The following TMEM204 variants were observed in gnomAD, a reference collection of about 807,000 sequenced individuals.
TMEM204 encodes the protein transmembrane protein 204.
TMEM204 carries 15 observed loss-of-function variants against 19.4 expected under a neutral mutation model. The ratio of observed to expected loss-of-function variants is 0.77; its 90% CI spans 0.52 to 1.19. The LOEUF (loss-of-function observed/expected upper bound fraction) is 1.19. Among genes scored for constraint, TMEM204 ranks in the 50% most tolerant of loss-of-function variants. The pLI is 0.00. For synonymous variants in TMEM204, 161 were observed against 146.0 expected, an observed-to-expected ratio of 1.10 and a Z score of -0.74; for missense variants, 287 against 321.2, an observed-to-expected ratio of 0.89 and a Z score of 0.81.
At chr16:1,544,518 CG>C (rs1318447519) in intron 2 of TMEM204, among the ~76,000 whole-genome samples, 3 of 151,870 alleles carry the variant, frequency 2.0e-5, no homozygotes, top group East Asian at 1.9e-4. Context: ...TTAGTAGAGA[CG>C]GGGTTTCACC....
intron 1 of TMEM204, among the ~76,000 whole-genome samples, chr16:1,537,081 C>T (rs896009556): frequency 2.0e-5 from 3 of 152,244 alleles, no homozygotes; most frequent in Non-Finnish European, 4.4e-5. Flanking sequence ...CTTGTAAAAT[C>T]ACCCAGCACG....
chr16:1,543,644 C>T (rs2064289), intron 2 of TMEM204, among the ~76,000 whole-genome samples: 95,599 of 152,122 alleles, frequency 0.63, 32,664 homozygotes, highest in African/African-American at 0.9. Flanking sequence ...ACCCAACTGA[C>T]TGTAAGAACG....
chr16:1,536,563 G>A (rs4786279), intron 1 of TMEM204, among the ~76,000 whole-genome samples: 7 of 152,286 alleles, frequency 4.6e-5, no homozygotes, highest in East Asian at 3.9e-4. Context: ...CCTTGTAAAC[G>A]GGACTCAGCT....
In TMEM204 at chr16:1,553,302, GTGTCTC is replaced by G. The variant is rs989277047; in HGVS notation, c.437-1470_437-1465del. 9.2e-6 allele frequency: 9 copies of G among 983,444 alleles called. No individual in the cohort carries two copies. The African/African-American group carries it at 1.6e-4, about 17-fold the overall frequency. 60.9% of individuals were successfully genotyped at this position (983,444 alleles called of 1,614,324 possible). A position where few individuals can be genotyped will look rare whatever the true frequency, so the allele number is the denominator to read the frequency against. The stretch of plus-strand genomic sequence containing the variant: ...TCTCTGTGTCTCTGCCTGTCTCTCT[GTGTCTC>G]TGTCTCTGTGTCTCTGTCCCTGTGT... On this transcript the variant is annotated intron_variant, in intron 2 of 2. Transcript: ENST00000566264. This position sits in a 1 kb window ranked among gnomAD's most constrained non-coding sequence, Gnocchi z 4.4.
intron 1 of TMEM204, among the ~76,000 whole-genome samples, chr16:1,537,099 G>C (rs1055142966): frequency 1.3e-5 from 2 of 152,228 alleles, no homozygotes; most frequent in African/African-American, 4.8e-5. Flanking sequence ...ACGTATGATG[G>C]GCTGCGACCG....
In TMEM204 at chr16:1,555,009, G is replaced by C. The variant is rs776603275; in HGVS notation, c.664G>C (p.Val222Leu). Residue 222 changes from valine to leucine, a missense_variant, in exon 3 of 3, where the codon GTG (valine) becomes CTG (leucine). Coordinates refer to ENST00000566264, the MANE Select transcript of TMEM204 (RefSeq NM_024600.6). ...RFRRGLDNDY[V>L]ESPC is the part of the protein sequence containing the mutation. The stretch of plus-strand genomic sequence containing the variant: ...TCGCCGTGGGCTGGACAATGACTAC[G>C]TGGAGTCACCATGCTGAGTCGCCCT... 4 of 1,611,572 alleles carry C rather than the reference G, an allele frequency of 2.5e-6. No homozygotes were observed. Among genetic ancestry groups the C allele is most frequent in the East Asian group, 4.5e-5 (2 of 44,860 alleles).
intron 1 of TMEM204, chr16:1,541,453 G>T: frequency 1.0e-6 from 1 of 985,424 alleles, no homozygotes; most frequent in Non-Finnish European, 1.2e-6. Context: ...GAGCACGCAG[G>T]ACAGCACGCC....
intron 2 of TMEM204, among the ~76,000 whole-genome samples, chr16:1,546,596 C>T (rs1000438764): frequency 6.6e-6 from 1 of 152,222 alleles, no homozygotes; most frequent in Non-Finnish European, 1.5e-5. Context: ...GCGCATCCCA[C>T]GTGCTCCCTG....
Position 1,551,508 on chromosome 16 carries a change from G to T in TMEM204, c.437-3274G>T, listed in dbSNP as rs1474186162. On this transcript the variant is annotated intron_variant, in intron 2 of 2. Transcript: ENST00000566264. This position sits in a 1 kb window ranked among gnomAD's most constrained non-coding sequence, Gnocchi z 4.0. ...CCCTAAGGCGATGGGAGCCACAAGG[G>T]TGCTGAGTGCTGGGGAGACAGGATG... Among the ~76,000 whole-genome samples the T allele has an allele frequency of 1.3e-5, 2 of 152,200 alleles. No individual in the cohort carries two copies. Among genetic ancestry groups the T allele is most frequent in the Middle Eastern group, 3.2e-3 (1 of 316 alleles).
intron 2 of TMEM204, among the ~76,000 whole-genome samples, chr16:1,545,958 C>T (rs931777974): frequency 6.6e-6 from 1 of 152,238 alleles, no homozygotes; most frequent in Admixed American, 6.5e-5. Context: ...ACCCCACTGT[C>T]CTGGCTTGGC....
chr16:1,534,231 TG>T lies in TMEM204; in HGVS notation c.-42del. ...TCTCCCTGGACGTGCGGCCGCGGACTGGGACTTGGCTTTCTCCGGATAAGCG... is the reference window on the plus strand; with the variant it reads ...TCTCCCTGGACGTGCGGCCGCGGACTGGACTTGGCTTTCTCCGGATAAGCG... On this transcript the variant is annotated 5_prime_UTR_variant, in exon 1 of 3. Transcript: ENST00000566264. 6.2e-7 allele frequency: 1 copy of T among 1,601,192 alleles called. No homozygotes were observed. Among genetic ancestry groups the T allele is most frequent in the Non-Finnish European group, 8.5e-7 (1 of 1,178,220 alleles).
At chr16:1,541,133 G>A in intron 1 of TMEM204, 1 of 985,436 alleles carries the variant, frequency 1.0e-6, no homozygotes, top group Non-Finnish European at 1.2e-6. Flanking sequence ...GCATCCATGT[G>A]CCCTGCCCAC....
chr16:1,541,928 C>T lies in TMEM204; in HGVS notation c.288C>T (p.Phe96=), dbSNP rs369163612. Reference sequence around the variant, plus strand: ...TCTGCTCTTGGCCCACAGTGCAGTTCGACATGATGCGCGCCTGCAACCTGG... The same window carrying T: ...TCTGCTCTTGGCCCACAGTGCAGTTTGACATGATGCGCGCCTGCAACCTGG... The part of the protein sequence containing the change: ...QESRGTVKLQ[F]DMMRACNLVA... Residue 96 remains phenylalanine, a synonymous_variant, in exon 2 of 3, where the codon TTC becomes TTT. Transcript: ENST00000566264. 1.4e-5 allele frequency: 23 copies of T among 1,600,954 alleles called. No individual in the cohort carries two copies. In the South Asian group the frequency reaches 1.5e-4, roughly 10 times the overall value.
chr16:1,539,795 C>G (rs2031453819), intron 1 of TMEM204, among the ~76,000 whole-genome samples: 1 of 152,226 alleles, frequency 6.6e-6, no homozygotes, highest in Non-Finnish European at 1.5e-5. Context: ...GTGCTCCGCT[C>G]TCCCCCTTGC....
At position 1,553,063 on chromosome 16, in the gene TMEM204, G is replaced by A; in HGVS notation, c.437-1719G>A. ...AGAAACCAGTCACTGTCATTGTTCA[G>A]GACAAAATGGAGATAGATAAATGCT... On this transcript the variant is annotated intron_variant, in intron 2 of 2. Coordinates refer to ENST00000566264, the MANE Select transcript of TMEM204 (RefSeq NM_024600.6). This position sits in a 1 kb window ranked among gnomAD's most constrained non-coding sequence, Gnocchi z 4.4. 2.0e-6 allele frequency: 2 copies of A among 985,406 alleles called. No homozygotes were observed. The highest frequency in any genetic ancestry group is 1.1e-4 in the East Asian group (1 of 8,826). 61.0% of individuals were successfully genotyped at this position (985,406 alleles called of 1,614,324 possible).
At chr16:1,530,078 G>A (rs982051417), upstream of TMEM204, among the ~76,000 whole-genome samples, 8 of 148,076 alleles carry the variant, frequency 5.4e-5, no homozygotes, top group Non-Finnish European at 8.9e-5. Flanking sequence ...ACACCACGTT[G>A]TAAGACATGC....
At chr16:1,547,570 T>G (rs1419010434) in intron 2 of TMEM204, among the ~76,000 whole-genome samples, 1 of 152,186 alleles carries the variant, frequency 6.6e-6, no homozygotes, top group Non-Finnish European at 1.5e-5. Context: ...AGGGTCTCAC[T>G]CCGATACCCA....
upstream of TMEM204, chr16:1,533,394 C>CAGT (rs2030715880): frequency 6.6e-6 from 1 of 152,312 alleles, no homozygotes. The surrounding 1 kb of genome is among the most constrained non-coding windows in gnomAD (Gnocchi z 4.7). Flanking sequence ...AATAGTCGCT[C>CAGT]AGTACCAGCC....
At chr16:1,543,689 C>A (rs186297340) in intron 2 of TMEM204, among the ~76,000 whole-genome samples, 1 of 152,208 alleles carries the variant, frequency 6.6e-6, no homozygotes, top group African/African-American at 2.4e-5. Flanking sequence ...GGACTGACTC[C>A]GCCTCCTCCC....
Sources: allele counts gnomAD v4.1 joint callset (sites outside exome capture counted in the v4.1 genomes callset), GRCh38; gene constraint gnomAD v4.1.1; non-coding constraint Gnocchi (gnomAD v3.1); transcripts MANE v1.5; gene names NCBI Gene and HGNC (gene_info 2026-07-23, HGNC 2026-07-21).